The following FBN1 variants were observed in gnomAD, a reference collection of about 807,000 sequenced individuals.
The protein encoded by FBN1 is fibrillin-1.
Under a neutral mutation model 365.1 loss-of-function variants are expected in FBN1, and 29 were observed. That is an observed-to-expected ratio of 0.08 (90% CI 0.06 to 0.11). The LOEUF is 0.11. FBN1 is among the 10% of genes least tolerant of loss of function. The pLI is 1.00. For missense variants in FBN1, 2,476 were observed against 3,703.2 expected (o/e 0.67, Z 8.60); for synonymous variants, 1,210 against 1,270.5 (o/e 0.95, Z 1.01).
chr15:48,645,357 GC>G (rs893991428), intron 1 of FBN1, among the ~76,000 whole-genome samples: 6 of 152,188 alleles, frequency 3.9e-5, no homozygotes, highest in African/African-American at 2.4e-5. Context: ...CGATGCCACC[GC>G]CCCCCGAACA....
At chr15:48,484,530 C>G (rs572861011) in intron 30 of FBN1, among the ~76,000 whole-genome samples, 4 of 152,226 alleles carry the variant, frequency 2.6e-5, no homozygotes, top group African/African-American at 7.2e-5. Flanking sequence ...TGCCACCACA[C>G]CCAACTAATT....
chr15:48,616,212 A>G (rs1217571124), intron 2 of FBN1, among the ~76,000 whole-genome samples: 2 of 152,152 alleles, frequency 1.3e-5, no homozygotes, highest in Non-Finnish European at 2.9e-5. Flanking sequence ...CTGACTTTCT[A>G]TGAGTTTTAA....
chr15:48,557,546 C>T (rs1377153453), intron 6 of FBN1, among the ~76,000 whole-genome samples: 1 of 152,190 alleles, frequency 6.6e-6, no homozygotes, highest in Non-Finnish European at 1.5e-5. Context: ...TAAAGCACAG[C>T]TGAGCAAGCG....
chr15:48,523,713 G>T (rs1034881850), intron 9 of FBN1, among the ~76,000 whole-genome samples: 10 of 111,154 alleles, frequency 9.0e-5, no homozygotes, highest in South Asian at 2.9e-4. Flanking sequence ...GGGTGGCTGG[G>T]GGGGGGGGGG....
chr15:48,520,606 G>C, intron 10 of FBN1, 53 bp downstream of exon 10: 1 of 1,606,114 alleles, frequency 6.2e-7, no homozygotes, highest in Non-Finnish European at 8.5e-7. Context: ...ATTGCCACTG[G>C]GCTTGTGAGG....
chr15:48,597,863 G>T (rs2044527879), intron 5 of FBN1, among the ~76,000 whole-genome samples: 1 of 152,362 alleles, frequency 6.6e-6, no homozygotes, highest in East Asian at 1.9e-4. Flanking sequence ...GGAAGCTGAA[G>T]TTTAGGAAAA....
Position 48,445,309 on chromosome 15 carries a change from G to A in FBN1, c.5917+67C>T, listed in dbSNP as rs1023735683. On this transcript the variant is annotated intron_variant, in intron 48 of 65. Coordinates refer to ENST00000316623, the MANE Select transcript of FBN1 (RefSeq NM_000138.5). ...TTCCAGAAAGAAGCATTAGAACAGA[G>A]ACTGCATGATTCCTTGAGTGGTCTC... The A allele has an allele frequency of 7.7e-6, 12 of 1,554,200 alleles. No individual in the cohort carries two copies. In the African/African-American group the frequency reaches 1.6e-4, roughly 21 times the overall value.
At chr15:48,527,102 C>T (rs1227373085) in intron 8 of FBN1, among the ~76,000 whole-genome samples, 1 of 152,194 alleles carries the variant, frequency 6.6e-6, no homozygotes, top group African/African-American at 2.4e-5. Flanking sequence ...ATGGGCTGCA[C>T]CCCAGCTTGC....
At chr15:48,615,344 A>G (rs1889631685) in intron 2 of FBN1, among the ~76,000 whole-genome samples, 1 of 152,120 alleles carries the variant, frequency 6.6e-6, no homozygotes, top group South Asian at 2.1e-4. Context: ...ATAGTGTCTG[A>G]CAAAAATATG....
chr15:48,435,778 G>GTATATATATGTA (rs1299471206), intron 53 of FBN1, among the ~76,000 whole-genome samples: 1 of 141,322 alleles, frequency 7.1e-6, no homozygotes, highest in African/African-American at 2.7e-5. Flanking sequence ...GTATATGTGT[G>GTATATATATGTA]TGTGTGTGTG....
chr15:48,589,770 C>T (rs555957868), intron 6 of FBN1, among the ~76,000 whole-genome samples: 7 of 151,968 alleles, frequency 4.6e-5, no homozygotes, highest in East Asian at 1.9e-4. Context: ...CCCACCACCA[C>T]GCCCGGCTAA....
rs976161721 is a variant in FBN1, at chr15:48,448,854, T to C, written c.5585A>G (p.His1862Arg). 5 of 1,611,830 alleles carry C rather than the reference T, an allele frequency of 3.1e-6. No individual in the cohort carries two copies. The African/African-American group carries it at 5.3e-5, about 17-fold the overall frequency. Reference protein sequence around the residue: ...ECQEIPNICSHGQCIDTVGSF... With the variant: ...ECQEIPNICSRGQCIDTVGSF... ...TCCAACTGTGTCAATGCACTGCCCA[T>C]GACTGCATATATTGGGGATTTCTTG... is the stretch of plus-strand genomic sequence containing the variant. The change falls in exon 46 of 66, where the codon CAT becomes CGT. Residue 1862 changes from histidine to arginine, a missense_variant. His to Arg is a conservative substitution (Grantham distance 29, BLOSUM62 0). This residue lies in a region of FBN1 where 1,780 missense variants were observed against 2,840.8 expected (regional missense o/e 0.63). Transcript: ENST00000316623.
chr15:48,434,545 T>C, intron 54 of FBN1, 49 bp downstream of exon 54: 2 of 1,610,668 alleles, frequency 1.2e-6, no homozygotes, highest in Non-Finnish European at 1.7e-6. Context: ...AACCAATTGT[T>C]CCCAGGATCA....
chr15:48,495,958 A>T, intron 20 of FBN1, 142 bp downstream of exon 20: 1 of 998,536 alleles, frequency 1.0e-6, no homozygotes, highest in Non-Finnish European at 1.6e-6. Context: ...AGTACATACT[A>T]GTGCCATGTA....
intron 2 of FBN1, among the ~76,000 whole-genome samples, chr15:48,637,012 A>T (rs1395617587): frequency 6.6e-6 from 1 of 152,216 alleles, no homozygotes; most frequent in African/African-American, 2.4e-5. Context: ...ATGGTGCTAC[A>T]ATGACTTCGT....
Position 48,469,765 on chromosome 15 carries a change from G to A in FBN1, c.4459+869C>T, listed in dbSNP as rs188968828. ...TCTGGGGCACGCAGGACAGGGTACA[G>A]GCCATGGAGAGGGGGACTTCCTGAG... On this transcript the variant is annotated intron_variant, in intron 36 of 65. Transcript: ENST00000316623. Among the ~76,000 whole-genome samples, 16 of 152,190 alleles carry A rather than the reference G, an allele frequency of 1.1e-4. No individual in the cohort carries two copies. In the East Asian group the frequency reaches 2.9e-3, roughly 28 times the overall value.
At position 48,526,168 on chromosome 15, in the gene FBN1, G is replaced by A; in HGVS notation, c.950C>T (p.Pro317Leu). Residue 317 changes from proline to leucine, a missense_variant, in exon 9 of 66, where the codon CCT becomes CTT. By Grantham distance (98) the Pro-to-Leu change is moderately conservative (BLOSUM62 -3). Transcript: ENST00000316623. Reference protein sequence around the residue: ...TVSSYFCKCPPGFYTSPDGTR... With the variant: ...TVSSYFCKCPLGFYTSPDGTR... ...ACCATCTGGAGAGGTGTAAAAACCA[G>A]GGGGACATTTGCAAAAGTAACTGCT... 6.2e-7 allele frequency: 1 copy of A among 1,614,096 alleles called. No individual in the cohort carries two copies. Among genetic ancestry groups the A allele is most frequent in the South Asian group, 1.1e-5 (1 of 91,080 alleles).
chr15:48,626,529 A>G (rs1177125816), intron 2 of FBN1, among the ~76,000 whole-genome samples: 1 of 152,152 alleles, frequency 6.6e-6, no homozygotes, highest in African/African-American at 2.4e-5. Context: ...ACATTTCTCT[A>G]TCTAGCCCTC....
At chr15:48,451,333 T>C (rs1177066708) in intron 45 of FBN1, among the ~76,000 whole-genome samples, 1 of 152,202 alleles carries the variant, frequency 6.6e-6, no homozygotes, top group Non-Finnish European at 1.5e-5. Flanking sequence ...CTCTAGGGTA[T>C]TGTGGTTCAT....
Sources: allele counts gnomAD v4.1 joint callset (sites outside exome capture counted in the v4.1 genomes callset), GRCh38; gene constraint gnomAD v4.1.1; regional missense constraint gnomAD v4.1.1; transcripts MANE v1.5; gene names NCBI Gene and HGNC (gene_info 2026-07-23, HGNC 2026-07-21).